The following COL6A2 variants were observed in gnomAD, a reference collection of about 807,000 sequenced individuals.
COL6A2 encodes collagen alpha-2(VI) chain.
Under a neutral mutation model 124.9 loss-of-function variants are expected in COL6A2, and 90 were observed. The observed-to-expected ratio is 0.72, with a 90% CI of 0.61 to 0.86. The LOEUF is 0.86. COL6A2 is among the 40% of genes least tolerant of loss of function. The pLI is 0.00. For missense variants in COL6A2, 1,607 were observed against 1,502.5 expected, an observed-to-expected ratio of 1.07 and a Z score of -1.15; for synonymous variants, 793 against 618.2, an observed-to-expected ratio of 1.28 and a Z score of -4.19.
At position 46,132,502 on chromosome 21, in the gene COL6A2, A is replaced by C; in HGVS notation, c.3010A>C (p.Ser1004Arg). The change falls in exon 28 of 28, where the codon AGC becomes CGC. Residue 1004 changes from serine (S) to arginine (R), a missense_variant. By Grantham distance (110) the Ser-to-Arg change is moderately radical. This residue lies in a region of COL6A2 where 1,223 missense variants were observed against 1,052.2 expected (regional missense o/e 1.16). Transcript: ENST00000300527. ...CGTGTTCCACGAGAAGGACTATGAC[A>C]GCCTGGCGCAACCCGGCTTCTTCGA... ...AAVFHEKDYD[S>R]LAQPGFFDRF... is the part of the protein sequence containing the mutation. 6.2e-7 allele frequency: 1 copy of C among 1,607,576 alleles called. No homozygotes were observed. The highest frequency in any genetic ancestry group is 1.3e-5 in the African/African-American group (1 of 75,020).
chr21:46,111,695 G>A, intron 2 of COL6A2, 104 bp downstream of exon 2: 1 of 112,266 alleles, frequency 8.9e-6, no homozygotes, highest in South Asian at 4.4e-5. Context: ...CATTTGGGGG[G>A]CAGTTGGGAC....
intron 18 of COL6A2, 36 bp downstream of exon 18, chr21:46,121,654 T>G (rs1353059892): frequency 1.2e-6 from 2 of 1,607,254 alleles, no homozygotes; most frequent in African/African-American, 2.7e-5. Flanking sequence ...GTATTAGGGG[T>G]TCGGGGCAGC....
At chr21:46,106,535 T>G (rs2123600883) in intron 1 of COL6A2, among the ~76,000 whole-genome samples, 1 of 152,338 alleles carries the variant, frequency 6.6e-6, no homozygotes, top group South Asian at 2.1e-4. Context: ...ATTATAGATT[T>G]TTCATTGACA....
At position 46,099,942 on chromosome 21, in the gene COL6A2, G is replaced by T. The variant is rs990056187; in HGVS notation, c.-28+1769G>T. 4.6e-5 allele frequency among the ~76,000 whole-genome samples: 6 copies of T among 131,332 alleles called. No homozygotes were observed. In the East Asian group the frequency reaches 1.5e-3, roughly 32 times the overall value. 86.2% of individuals were successfully genotyped at this position (131,332 alleles called of 152,430 possible). A position where few individuals can be genotyped will look rare whatever the true frequency, so the allele number is the denominator to read the frequency against. On this transcript the variant is annotated intron_variant, in intron 1 of 27. Transcript: ENST00000300527. ...TTTCATAGATAAGGAATGATGCCTT[G>T]TTGGGGGGTTTGTTCTGCATGTCTT...
chr21:46,112,688 A>G, intron 3 of COL6A2, 111 bp downstream of exon 3: 1 of 1,595,972 alleles, frequency 6.3e-7, no homozygotes, highest in Non-Finnish European at 8.6e-7. Flanking sequence ...CGAAGGAGGA[A>G]GCTCCGGGCA....
At chr21:46,127,161 C>T (rs1019401891) in intron 27 of COL6A2, among the ~76,000 whole-genome samples, 2 of 152,066 alleles carry the variant, frequency 1.3e-5, no homozygotes, top group Admixed American at 6.5e-5. Context: ...AGGAGGTCCC[C>T]GGGGGCGTTA....
At chr21:46,111,951 G>A (rs1457012074) in intron 2 of COL6A2, 28 bp from the exon 3 acceptor site, 1 of 1,604,004 alleles carries the variant, frequency 6.2e-7, no homozygotes, top group South Asian at 1.1e-5. Context: ...TCCTGAGGCT[G>A]GCTCGTGACA....
chr21:46,122,541 G>GGGA lies in COL6A2; in HGVS notation c.1608+11_1608+12insGAG. The GGGA allele has an allele frequency of 2.5e-6, 4 of 1,612,612 alleles. No individual in the cohort carries two copies. Among genetic ancestry groups the GGGA allele is most frequent in the Non-Finnish European group, 3.4e-6 (4 of 1,179,928 alleles). The stretch of plus-strand genomic sequence containing the variant: ...CCCACGCGGCCCCGAGGTATGTGTG[G>GGGA]GTCCTGGCCACCTGTGCCCACCCAG... On this transcript the variant is annotated intron_variant, in intron 20 of 27. Coordinates refer to ENST00000300527, the MANE Select transcript of COL6A2 (RefSeq NM_001849.4).
intron 1 of COL6A2, among the ~76,000 whole-genome samples, chr21:46,109,990 G>A (rs990460274): frequency 2.6e-5 from 4 of 152,198 alleles, no homozygotes; most frequent in Admixed American, 6.5e-5. Context: ...CTCTCACCTC[G>A]CCAAACTGCA....
chr21:46,132,132 G>T lies in COL6A2; in HGVS notation c.2640G>T (p.Leu880=). 1 of 1,577,464 alleles carries T rather than the reference G, an allele frequency of 6.3e-7. No homozygotes were observed. ...CTCTCAACGCACGCGTGGCGCTGCTGCAGTTTGGTGGCCCCGGCGAGCAGC... is the reference window on the plus strand; with the variant it reads ...CTCTCAACGCACGCGTGGCGCTGCTTCAGTTTGGTGGCCCCGGCGAGCAGC... The part of the protein sequence containing the change: ...DDPLNARVAL[L]QFGGPGEQQV... Residue 880 remains leucine, a synonymous_variant, in exon 28 of 28, where the codon CTG becomes CTT. Coordinates refer to ENST00000300527, the MANE Select transcript of COL6A2 (RefSeq NM_001849.4).
At chr21:46,129,682 C>T (rs1020301552) in intron 27 of COL6A2, 22 of 1,416,240 alleles carry the variant, frequency 1.6e-5, no homozygotes, top group African/African-American at 4.3e-5. Flanking sequence ...TCCCTTGCTG[C>T]GGCTGCATCT....
rs1299442141 is a variant in COL6A2 at position 46,119,801 on chromosome 21, ACCCCGGCACCAAGGGCAG to A, written c.1287_1304del (p.Thr431_Gly436del). On this transcript the variant is annotated inframe_deletion, in exon 15 of 28. Transcript: ENST00000300527. ...TGTTCTCTGCAGGGGCGCAGGGGAG[ACCCCGGCACCAAGGGCAG>A]CCCAGGCAGCGATGGCCCCAAGGGG... is the stretch of plus-strand genomic sequence containing the variant. The A allele has an allele frequency of 6.4e-7, 1 of 1,562,888 alleles. No individual in the cohort carries two copies. The highest frequency in any genetic ancestry group is 8.7e-7 in the Non-Finnish European group (1 of 1,153,392).
Position 46,121,586 on chromosome 21 carries a change from C to A in COL6A2, c.1489C>A (p.Pro497Thr), listed in dbSNP as rs75581470. 239 of 1,612,762 alleles carry A rather than the reference C, an allele frequency of 1.5e-4. No homozygotes were observed. In the East Asian group the frequency reaches 4.9e-3, roughly 33 times the overall value. Reference protein sequence around the residue: ...GSRGDPGDAGPRGDSGQPGPK... With the variant: ...GSRGDPGDAGTRGDSGQPGPK... Reference sequence around the variant, plus strand: ...TCGGGGAGACCCCGGTGATGCAGGACCCCGTGGAGACTCAGGACAGCCAGG... The same window carrying A: ...TCGGGGAGACCCCGGTGATGCAGGAACCCGTGGAGACTCAGGACAGCCAGG... Residue 497 changes from proline (P) to threonine (T), a missense_variant, in exon 18 of 28, where the codon CCC becomes ACC. Physicochemically the swap from Pro to Thr is conservative, Grantham distance 38. Coordinates refer to ENST00000300527, the MANE Select transcript of COL6A2 (RefSeq NM_001849.4).
At chr21:46,123,832 ATAAAGGATG>A in intron 21 of COL6A2, among the ~76,000 whole-genome samples, 2 of 120,984 alleles carry the variant, frequency 1.7e-5, no homozygotes, top group South Asian at 2.7e-4. Flanking sequence ...GGATGGGTGC[ATAAAGGATG>A]GATGGATGAA....
Position 46,119,783 on chromosome 21 carries a change from T to TGCAGGGGC in COL6A2, c.1273_1280dup. Reference sequence around the variant, plus strand: ...CTCCCTCACCCACACGCCTGTTCTCTGCAGGGGCGCAGGGGAGACCCCGGC... The same window carrying TGCAGGGGC: ...CTCCCTCACCCACACGCCTGTTCTCTGCAGGGGCGCAGGGGCGCAGGGGAGACCCCGGC... On this transcript the variant is annotated splice_region_variant and splice_polypyrimidine_tract_variant and intron_variant, in intron 14 of 27. Coordinates refer to ENST00000300527, the MANE Select transcript of COL6A2 (RefSeq NM_001849.4). 2.6e-6 allele frequency: 4 copies of TGCAGGGGC among 1,558,930 alleles called. No homozygotes were observed. The highest frequency in any genetic ancestry group is 1.4e-5 in the African/African-American group (1 of 74,030).
At chr21:46,128,034 A>G (rs950482387) in intron 27 of COL6A2, among the ~76,000 whole-genome samples, 2 of 152,098 alleles carry the variant, frequency 1.3e-5, no homozygotes, top group African/African-American at 4.8e-5. Flanking sequence ...ATCAGCCTGC[A>G]CTTTTCTTTT....
intron 1 of COL6A2, among the ~76,000 whole-genome samples, chr21:46,101,591 G>A (rs1048697770): frequency 6.6e-6 from 1 of 152,144 alleles, no homozygotes; most frequent in Non-Finnish European, 1.5e-5. Context: ...TTAGGTAAGG[G>A]TCTAACTTCA....
intron 13 of COL6A2, 72 bp from the exon 14 acceptor site, chr21:46,118,958 C>A: frequency 8.1e-7 from 1 of 1,235,370 alleles, no homozygotes; most frequent in Non-Finnish European, 1.2e-6. Context: ...CTCCACACCA[C>A]ACACCGCACA....
chr21:46,117,807 G>A, intron 11 of COL6A2, 67 bp from the exon 12 acceptor site: 1 of 1,514,928 alleles, frequency 6.6e-7, no homozygotes, highest in Non-Finnish European at 9.0e-7. Flanking sequence ...TGGAGCACTT[G>A]GGCCCTGGCT....
Sources: allele counts gnomAD v4.1 joint callset (sites outside exome capture counted in the v4.1 genomes callset), GRCh38; gene constraint gnomAD v4.1.1; regional missense constraint gnomAD v4.1.1; transcripts MANE v1.5; gene names NCBI Gene and HGNC (gene_info 2026-07-23, HGNC 2026-07-21).